Variants in COG4 observed in about 807,000 individuals in gnomAD.
COG4 encodes conserved oligomeric Golgi complex subunit 4.
In COG4, 65 loss-of-function variants were observed where a neutral mutation model predicts 95.1. The ratio of observed to expected loss-of-function variants is 0.68; its 90% confidence interval spans 0.56 to 0.84. The LOEUF is 0.84. COG4 is among the 40% of genes least tolerant of loss of function. The pLI is 0.00. For missense variants in COG4, 1,045 were observed against 989.1 expected (o/e 1.06, Z -0.76); for synonymous variants, 421 against 374.8 (o/e 1.12, Z -1.42).
rs568841462 is a variant in COG4 at position 70,523,399 on chromosome 16, C to G, written c.145G>C (p.Val49Leu). The G allele has an allele frequency of 1.7e-5, 28 of 1,614,180 alleles. No individual in the cohort carries two copies. Among genetic ancestry groups the G allele is most frequent in the African/African-American group, 1.3e-4 (10 of 75,042 alleles). The change falls in exon 1 of 19, where the codon GTA (valine) becomes CTA (leucine). Residue 49 changes from valine to leucine, a missense_variant. By Grantham distance (32) the Val-to-Leu change is conservative. Transcript: ENST00000323786. ...TCCTCGCCGCAGAGCCGTTCGTATACAGCCTCCAGCTCCTGCAGCTCTGTC... is the reference window on the plus strand; with the variant it reads ...TCCTCGCCGCAGAGCCGTTCGTATAGAGCCTCCAGCTCCTGCAGCTCTGTC... ...SLTELQELEAVYERLCGEEKV... is the reference protein window; with the variant it reads ...SLTELQELEALYERLCGEEKV...
intron 13 of COG4, among the ~76,000 whole-genome samples, chr16:70,488,100 T>C (rs1019050394): frequency 6.6e-6 from 1 of 151,956 alleles, no homozygotes; most frequent in Non-Finnish European, 1.5e-5. Flanking sequence ...GCTGGGGTTA[T>C]AGGTGTGAGC....
intron 7 of COG4, 91 bp downstream of exon 7, chr16:70,509,140 T>C (rs2049643635): frequency 6.5e-7 from 1 of 1,528,710 alleles, no homozygotes; most frequent in Non-Finnish European, 9.0e-7. Flanking sequence ...CTGCACCTTT[T>C]TTTTCACTTT....
Position 70,498,025 on chromosome 16 carries a change from T to A in COG4, c.1226A>T (p.Asn409Ile). The A allele has an allele frequency of 6.2e-7, 1 of 1,613,660 alleles. No homozygotes were observed. The highest frequency in any genetic ancestry group is 8.5e-7 in the Non-Finnish European group (1 of 1,179,560). ...EHQKCLDKLL[N>I]NCLLSCTMQE... Reference sequence around the variant, plus strand: ...CATGGTACAGCTCAAAAGGCAGTTATTGAGGAGTTTGTCCAGACACTTCTG... The same window carrying A: ...CATGGTACAGCTCAAAAGGCAGTTAATGAGGAGTTTGTCCAGACACTTCTG... The change falls in exon 10 of 19, where the codon AAT (asparagine) becomes ATT (isoleucine). Residue 409 changes from asparagine to isoleucine, a missense_variant. Physicochemically the swap from Asn to Ile is moderately radical, Grantham distance 149. Coordinates refer to ENST00000323786, the MANE Select transcript of COG4 (RefSeq NM_015386.3).
In COG4 at chr16:70,481,865, C is replaced by G. The variant is rs1555573157; in HGVS notation, c.2005G>C (p.Ala669Pro). 3 of 1,612,886 alleles carry G rather than the reference C, an allele frequency of 1.9e-6. No individual in the cohort carries two copies. Among genetic ancestry groups the G allele is most frequent in the Non-Finnish European group, 2.5e-6 (3 of 1,179,426 alleles). Reference sequence around the variant, plus strand: ...TCGTAGATGACCGGGGACAGGCTGGCCTGCACACAGAGGGTTGACATCAGC... The same window carrying G: ...TCGTAGATGACCGGGGACAGGCTGGGCTGCACACAGAGGGTTGACATCAGC... ...NLEQQMAEFK[A>P]SLSPVIYDSL... Residue 669 changes from alanine (A) to proline (P), a missense_variant and splice_region_variant, in exon 17 of 19, where the codon GCC becomes CCC. By Grantham distance (27) the Ala-to-Pro change is conservative. Coordinates refer to ENST00000323786, the MANE Select transcript of COG4 (RefSeq NM_015386.3).
chr16:70,514,473 T>C lies in COG4; in HGVS notation c.406A>G (p.Ile136Val). The change falls in exon 4 of 19, where the codon ATC becomes GTC. Residue 136 changes from isoleucine (I) to valine (V), a missense_variant. Ile to Val is a conservative substitution (Grantham distance 29). Transcript: ENST00000323786. ...LYQAIQRADD[I>V]LDLKFCMDGV... ...TCCATGCAGAACTTCAGGTCCAAGATGTCATCAGCTCTCTGAATGGCCTGA... is the reference window on the plus strand; with the variant it reads ...TCCATGCAGAACTTCAGGTCCAAGACGTCATCAGCTCTCTGAATGGCCTGA... The C allele has an allele frequency of 6.2e-7, 1 of 1,614,140 alleles. No homozygotes were observed.
chr16:70,517,713 A>T lies in COG4; in HGVS notation c.282T>A (p.Asp94Glu), dbSNP rs1180681958. Residue 94 changes from aspartate (D) to glutamate (E), a missense_variant, in exon 3 of 19, where the codon GAT (aspartate) becomes GAA (glutamate). Asp to Glu is a conservative substitution (Grantham distance 45, BLOSUM62 2). Transcript: ENST00000323786. ...TGATCATTCCAGCCAGCTGCTTTGC[A>T]TCTCCCTCAATCAGCTGCAGATTAG... is the stretch of plus-strand genomic sequence containing the variant. ...MGPNLQLIEG[D>E]AKQLAGMITF... 6.2e-7 allele frequency: 1 copy of T among 1,612,314 alleles called. No homozygotes were observed. The highest frequency in any genetic ancestry group is 1.1e-5 in the South Asian group (1 of 91,060).
At chr16:70,506,608 A>AAAAAAT in intron 8 of COG4, among the ~76,000 whole-genome samples, 1 of 60,510 alleles carries the variant, frequency 1.7e-5, no homozygotes, top group Non-Finnish European at 3.2e-5. Flanking sequence ...AAAAAAAAAA[A>AAAAAAT]AAAAAAAAAC....
At chr16:70,515,257 A>G (rs1429995178) in intron 3 of COG4, among the ~76,000 whole-genome samples, 1 of 152,118 alleles carries the variant, frequency 6.6e-6, no homozygotes, top group East Asian at 1.9e-4. Flanking sequence ...CTTGAGCTCA[A>G]GCAATTCATT....
chr16:70,511,240 T>C (rs980498190), intron 5 of COG4, among the ~76,000 whole-genome samples: 2 of 152,216 alleles, frequency 1.3e-5, no homozygotes, highest in Admixed American at 1.3e-4. Context: ...CCTCTGCTTA[T>C]ACAAATATAT....
At chr16:70,488,712 TA>T (rs2049185407) in intron 13 of COG4, among the ~76,000 whole-genome samples, 1 of 152,022 alleles carries the variant, frequency 6.6e-6, no homozygotes, top group South Asian at 2.1e-4. Flanking sequence ...CACACCCAGC[TA>T]ATTTTTTTTG....
At chr16:70,482,299 A>ACATGTCTCCACCTTGTCCT in intron 15 of COG4, 124 bp from the exon 16 acceptor site, 1 of 754,308 alleles carries the variant, frequency 1.3e-6, no homozygotes. Flanking sequence ...CTTCTGACTC[A>ACATGTCTCCACCTTGTCCT]TCTAGTTTAA....
chr16:70,483,101 A>C (rs1158541082), intron 14 of COG4, among the ~76,000 whole-genome samples: 5 of 18,590 alleles, frequency 2.7e-4, no homozygotes, highest in African/African-American at 4.0e-4. Context: ...TCCCTACCCC[A>C]TCCCTCTCTC....
chr16:70,501,171 A>G, intron 8 of COG4, 80 bp from the exon 9 acceptor site: 1 of 1,519,282 alleles, frequency 6.6e-7, no homozygotes, highest in Non-Finnish European at 9.0e-7. Context: ...GAGAGTCCCA[A>G]ATTCCCCCTC....
intron 12 of COG4, among the ~76,000 whole-genome samples, chr16:70,491,824 C>CAAAAAAAAAAAAAAAAAACA (rs2049250409): frequency 1.7e-5 from 1 of 59,346 alleles, no homozygotes; most frequent in Non-Finnish European, 4.2e-5. Flanking sequence ...AACTACGTCT[C>CAAAAAAAAAAAAAAAAAACA]AAAAAAAAAA....
Position 70,482,178 on chromosome 16 carries a change from G to GACAACAGGAAGAA in COG4, c.1921-4_1921-3insTTCTTCCTGTTGT. 1 of 1,606,712 alleles carries GACAACAGGAAGAA rather than the reference G, an allele frequency of 6.2e-7. No homozygotes were observed. The highest frequency in any genetic ancestry group is 8.5e-7 in the Non-Finnish European group (1 of 1,173,272). On this transcript the variant is annotated splice_region_variant and splice_polypyrimidine_tract_variant and intron_variant, in intron 15 of 18. Coordinates refer to ENST00000323786, the MANE Select transcript of COG4 (RefSeq NM_015386.3). ...GCCTCATAGTCATTGAATTCTTCCT[G>GACAACAGGAAGAA]TTGTCAGGAAGCAGGGCTGGTCACC...
chr16:70,492,295 T>A (rs937035606), intron 12 of COG4, among the ~76,000 whole-genome samples: 13 of 152,188 alleles, frequency 8.5e-5, no homozygotes, highest in African/African-American at 3.1e-4. Flanking sequence ...GTCTCCCTAC[T>A]CTGGTCCAAA....
chr16:70,508,989 T>G (rs551749921), intron 7 of COG4: 1 of 585,162 alleles, frequency 1.7e-6, no homozygotes, highest in Non-Finnish European at 3.1e-6. Context: ...TTCTGCTGTG[T>G]TCTTTTCAGG....
chr16:70,511,423 C>T (rs1014511233), intron 5 of COG4, among the ~76,000 whole-genome samples: 1 of 151,894 alleles, frequency 6.6e-6, no homozygotes, highest in African/African-American at 2.4e-5. Context: ...GTGACACACA[C>T]AGACATATAG....
chr16:70,514,268 G>A (rs1351861607), intron 4 of COG4, 67 bp downstream of exon 4: 106 of 1,429,286 alleles, frequency 7.4e-5, no homozygotes, highest in Non-Finnish European at 1.0e-4. Flanking sequence ...TTTATTGGTC[G>A]AGTCTGCTTA....
Sources: allele counts gnomAD v4.1 joint callset (sites outside exome capture counted in the v4.1 genomes callset), GRCh38; gene constraint gnomAD v4.1.1; transcripts MANE v1.5; gene names NCBI Gene and HGNC (gene_info 2026-07-23, HGNC 2026-07-21).